ABCD3: variants seen among roughly 807,000 people sequenced by gnomAD.
ABCD3 encodes the protein ATP binding cassette subfamily D member 3.
ABCD3 carries 41 observed loss-of-function variants against 105.5 expected under a neutral mutation model. That is an observed-to-expected ratio of 0.39 (90% CI 0.30 to 0.50). The LOEUF (loss-of-function observed/expected upper bound fraction) is 0.50, where lower values mean the gene tolerates loss of function less well. Among genes scored for constraint, ABCD3 ranks in the 20% least tolerant of loss-of-function variants. The pLI, the probability that ABCD3 is intolerant of heterozygous loss-of-function variation, is 0.84. For missense variants in ABCD3, 622 were observed against 806.3 expected (o/e 0.77, Z 2.77); for synonymous variants, 258 against 269.0 (o/e 0.96, Z 0.40).
At chr1:94,491,311 A>G in intron 16 of ABCD3, 64 bp downstream of exon 16, 1 of 1,226,832 alleles carries the variant, frequency 8.2e-7, no homozygotes, top group East Asian at 2.4e-5. Flanking sequence ...GAAAAAGATT[A>G]CCTGAATATT....
chr1:94,399,903 G>C, the ABCD3 span, among the ~76,000 whole-genome samples: 3 of 152,106 alleles, frequency 2.0e-5, no homozygotes, highest in Non-Finnish European at 4.4e-5. Flanking sequence ...CGATTTAGTA[G>C]GGATTTGTAG....
intron 1 of ABCD3, among the ~76,000 whole-genome samples, chr1:94,441,422 A>G (rs1660130782): frequency 6.6e-6 from 1 of 152,080 alleles, no homozygotes; most frequent in African/African-American, 2.4e-5. Flanking sequence ...GCAGAGGTGC[A>G]GCCTTTGTGG....
chr1:94,468,081 A>C, intron 4 of ABCD3, 74 bp downstream of exon 4: 1 of 1,037,186 alleles, frequency 9.6e-7, no homozygotes. Flanking sequence ...TATCTTTATA[A>C]GCAACAAATA....
the ABCD3 span, among the ~76,000 whole-genome samples, chr1:94,393,134 GAAGA>G: frequency 7.0e-6 from 1 of 141,870 alleles, no homozygotes; most frequent in Non-Finnish European, 1.6e-5. Flanking sequence ...ATAAAAAGAA[GAAGA>G]AAGAAAGAAA....
intron 16 of ABCD3, among the ~76,000 whole-genome samples, chr1:94,493,868 C>T (rs1257302546): frequency 6.6e-6 from 1 of 152,020 alleles, no homozygotes; most frequent in Non-Finnish European, 1.5e-5. Context: ...ACCGCATATT[C>T]TCACTCATAG....
At chr1:94,406,367 T>C in the ABCD3 span, 1 of 204,714 alleles carries the variant, frequency 4.9e-6, no homozygotes, top group Non-Finnish European at 9.5e-6. Flanking sequence ...TACAGTCCAG[T>C]GGGTTGTTGT....
chr1:94,497,782 T>C (rs945272519), intron 16 of ABCD3, among the ~76,000 whole-genome samples: 4 of 152,214 alleles, frequency 2.6e-5, no homozygotes, highest in Non-Finnish European at 5.9e-5. Context: ...GCAGATGACC[T>C]AAATATTTAA....
At chr1:94,492,769 A>T (rs1353466413) in intron 16 of ABCD3, among the ~76,000 whole-genome samples, 1 of 152,146 alleles carries the variant, frequency 6.6e-6, no homozygotes, top group Non-Finnish European at 1.5e-5. Context: ...ATATACCAAT[A>T]ATATAGGGGC....
Position 94,517,362 on chromosome 1 carries a change from C to T in ABCD3, c.*233C>T, listed in dbSNP as rs1650966549. 2.3e-6 allele frequency: 1 copy of T among 432,014 alleles called. No homozygotes were observed. The highest frequency in any genetic ancestry group is 2.2e-5 in the South Asian group (1 of 45,098). 26.8% of individuals were successfully genotyped at this position (432,014 alleles called of 1,614,324 possible). On this transcript the variant is annotated 3_prime_UTR_variant, in exon 23 of 23. Coordinates refer to ENST00000370214, the MANE Select transcript of ABCD3 (RefSeq NM_002858.4). Reference sequence around the variant, plus strand: ...AATTAATAATATGTACTAAGAATGTCCTTATTCTTGTGGTTAAAAACCTGC... The same window carrying T: ...AATTAATAATATGTACTAAGAATGTTCTTATTCTTGTGGTTAAAAACCTGC...
intron 1 of ABCD3, among the ~76,000 whole-genome samples, chr1:94,437,921 A>G (rs1030962072): frequency 6.6e-6 from 1 of 152,176 alleles, no homozygotes; most frequent in Non-Finnish European, 1.5e-5. Context: ...GAAGTAACTG[A>G]TGTGATAGAA....
intron 4 of ABCD3, among the ~76,000 whole-genome samples, chr1:94,473,560 C>A (rs1648590696): frequency 6.6e-6 from 1 of 151,918 alleles, no homozygotes; most frequent in Non-Finnish European, 1.5e-5. Flanking sequence ...TTGCCATTTG[C>A]AGGATGAGGT....
chr1:94,491,546 A>G (rs1022721003), intron 16 of ABCD3, among the ~76,000 whole-genome samples: 8 of 152,166 alleles, frequency 5.3e-5, no homozygotes, highest in African/African-American at 1.9e-4. Context: ...ACACACAAAT[A>G]TAATTTTAGT....
intron 20 of ABCD3, 110 bp from the exon 21 acceptor site, chr1:94,506,428 T>G: frequency 1.5e-6 from 1 of 684,976 alleles, no homozygotes; most frequent in East Asian, 2.8e-5. Flanking sequence ...GAATAATTTT[T>G]ATACTTTTGA....
At chr1:94,471,172 T>A (rs556202301) in intron 4 of ABCD3, among the ~76,000 whole-genome samples, 1 of 152,320 alleles carries the variant, frequency 6.6e-6, no homozygotes, top group Non-Finnish European at 1.5e-5. Context: ...TATGAAATTT[T>A]AAAAAATTGT....
At chr1:94,419,165 C>A in intron 1 of ABCD3, 1 of 422,104 alleles carries the variant, frequency 2.4e-6, no homozygotes, top group Non-Finnish European at 3.2e-6. Context: ...GCAGGATTGC[C>A]GTCTAAAGTG....
chr1:94,483,083 A>G (rs1288614419), intron 9 of ABCD3, 87 bp from the exon 10 acceptor site: 3 of 878,830 alleles, frequency 3.4e-6, no homozygotes, highest in Admixed American at 2.0e-5. Context: ...TTTAAATACA[A>G]ACATTCAGCC....
At chr1:94,408,513 C>G in the ABCD3 span, among the ~76,000 whole-genome samples, 23,920 of 151,444 alleles carry the variant, frequency 0.16, 2,063 homozygotes, top group South Asian at 0.27. Context: ...AGAATTGCTT[C>G]AACTCAGGAG....
At chr1:94,459,795 C>T (rs941096458) in intron 2 of ABCD3, among the ~76,000 whole-genome samples, 7 of 152,138 alleles carry the variant, frequency 4.6e-5, no homozygotes, top group Admixed American at 4.6e-4. Flanking sequence ...CCCTGGCAAC[C>T]ACAAATCTGT....
At chr1:94,450,857 T>C (rs1033766131) in intron 1 of ABCD3, among the ~76,000 whole-genome samples, 1 of 152,246 alleles carries the variant, frequency 6.6e-6, no homozygotes. Flanking sequence ...CTAGAACTTT[T>C]AACATGGGTT....
Sources: allele counts gnomAD v4.1 joint callset (sites outside exome capture counted in the v4.1 genomes callset), GRCh38; gene constraint gnomAD v4.1.1; transcripts MANE v1.5; gene names NCBI Gene and HGNC (gene_info 2026-07-23, HGNC 2026-07-21).